Variants in FBXL14 observed in about 807,000 individuals in gnomAD.
The protein encoded by FBXL14 is F-box and leucine rich repeat protein 14.
FBXL14 carries 11 observed loss-of-function variants against 24.5 expected under a neutral mutation model. The observed-to-expected ratio is 0.45, with a 90% CI of 0.28 to 0.74. The LOEUF is 0.74. Ranked by LOEUF, FBXL14 falls within the 30% of genes least tolerant of loss-of-function variation. FBXL14 has a pLI of 0.12. For synonymous variants in FBXL14, 294 were observed against 240.4 expected (o/e 1.22, Z -2.06); for missense variants, 384 against 545.6 (o/e 0.70, Z 2.95).
intron 1 of FBXL14, among the ~76,000 whole-genome samples, chr12:1,578,259 A>T (rs745927316): frequency 6.6e-6 from 1 of 152,214 alleles, no homozygotes; most frequent in Non-Finnish European, 1.5e-5. Flanking sequence ...GCCCTGAAAG[A>T]CGTGAGATGC....
upstream of FBXL14, among the ~76,000 whole-genome samples, chr12:1,594,789 A>G (rs1230183017): frequency 6.7e-6 from 1 of 148,402 alleles, no homozygotes; most frequent in African/African-American, 2.5e-5. Flanking sequence ...TGCGTTTGGT[A>G]GCGCCCGGGC....
rs138376633 is a variant in FBXL14, at chr12:1,573,793, T to C, written c.1195-6983A>G. ...GCCAAGGCGGGCGGATCACCTGAGGTCAAGAGTTTGAGACCAGCCTGACCA... is the reference window on the plus strand; with the variant it reads ...GCCAAGGCGGGCGGATCACCTGAGGCCAAGAGTTTGAGACCAGCCTGACCA... On this transcript the variant is annotated intron_variant, in intron 1 of 1. Coordinates refer to ENST00000339235, the MANE Select transcript of FBXL14 (RefSeq NM_152441.3). Among the ~76,000 whole-genome samples the C allele has an allele frequency of 2.6e-4, 40 of 152,134 alleles. 1 individual carries two copies. The highest frequency in any genetic ancestry group is 6.8e-3 in the Middle Eastern group (2 of 294).
rs1186306281 is a variant in FBXL14, at chr12:1,569,435, C to CT, written c.1195-2626dup. 6.8e-6 allele frequency among the ~76,000 whole-genome samples: 1 copy of CT among 147,946 alleles called. No homozygotes were observed. The highest frequency in any genetic ancestry group is 1.5e-5 in the Non-Finnish European group (1 of 67,504). On this transcript the variant is annotated intron_variant, in intron 1 of 1. Coordinates refer to ENST00000339235, the MANE Select transcript of FBXL14 (RefSeq NM_152441.3). This position sits in a 1 kb window ranked among gnomAD's most constrained non-coding sequence, Gnocchi z 4.2. ...TTTTTGTCTGAGACGGAGTCTCGCT[C>CT]TGTCACCCAGGCTAGAGTGCAGTGC...
At chr12:1,590,557 T>C (rs1163231665) in intron 1 of FBXL14, among the ~76,000 whole-genome samples, 1 of 152,178 alleles carries the variant, frequency 6.6e-6, no homozygotes. Flanking sequence ...TCAGATTATT[T>C]TGTTACTGTC....
intron 1 of FBXL14, among the ~76,000 whole-genome samples, chr12:1,589,397 CAAA>C (rs869295084): frequency 6.4e-4 from 7 of 10,982 alleles, no homozygotes; most frequent in South Asian, 2.8e-3. Flanking sequence ...GACCTTGTCT[CAAA>C]AAAAAAAAAA....
chr12:1,585,257 G>A (rs2154438171), intron 1 of FBXL14, among the ~76,000 whole-genome samples: 1 of 152,322 alleles, frequency 6.6e-6, no homozygotes, highest in Admixed American at 6.5e-5. Context: ...AATTAGCCGG[G>A]CGTGGTGGCA....
chr12:1,574,358 AGAG>A (rs1428912439), intron 1 of FBXL14, among the ~76,000 whole-genome samples: 1 of 42,604 alleles, frequency 2.3e-5, no homozygotes, highest in East Asian at 1.0e-3. Flanking sequence ...GGCTGGGGTG[AGAG>A]GAGGCTGGTG....
intron 1 of FBXL14, among the ~76,000 whole-genome samples, chr12:1,573,874 G>C (rs552138535): frequency 3.3e-5 from 5 of 152,112 alleles, no homozygotes; most frequent in Non-Finnish European, 5.9e-5. Flanking sequence ...GCGTGGTGGC[G>C]CATGCCTGTA....
chr12:1,582,477 C>G (rs1375620273), intron 1 of FBXL14, among the ~76,000 whole-genome samples: 1 of 152,154 alleles, frequency 6.6e-6, no homozygotes, highest in Non-Finnish European at 1.5e-5. Flanking sequence ...TCCTTTACAA[C>G]CTGTATTCTC....
At chr12:1,577,631 C>T (rs923207269) in intron 1 of FBXL14, among the ~76,000 whole-genome samples, 5 of 152,166 alleles carry the variant, frequency 3.3e-5, no homozygotes, top group Non-Finnish European at 5.9e-5. Flanking sequence ...TCATGGCTGC[C>T]GGGAGATGCC....
At chr12:1,576,422 C>T (rs188499950) in intron 1 of FBXL14, among the ~76,000 whole-genome samples, 11 of 152,252 alleles carry the variant, frequency 7.2e-5, no homozygotes, top group East Asian at 1.9e-4. Context: ...GGAGAGACCA[C>T]GAGGGCAGTA....
At chr12:1,581,844 G>T (rs568675339) in intron 1 of FBXL14, among the ~76,000 whole-genome samples, 5 of 152,346 alleles carry the variant, frequency 3.3e-5, no homozygotes, top group East Asian at 1.9e-4. Flanking sequence ...GAAGCCCAGG[G>T]CCGGGCCTGG....
At chr12:1,584,918 T>C (rs1464692878) in intron 1 of FBXL14, among the ~76,000 whole-genome samples, 2 of 152,174 alleles carry the variant, frequency 1.3e-5, no homozygotes, top group African/African-American at 4.8e-5. Context: ...TCTGAGAACA[T>C]GAAGCATTTA....
At position 1,579,023 on chromosome 12, in the gene FBXL14, C is replaced by A. The variant is rs553802283; in HGVS notation, c.1195-12213G>T. 3.9e-5 allele frequency among the ~76,000 whole-genome samples: 6 copies of A among 152,048 alleles called. No individual in the cohort carries two copies. The highest frequency in any genetic ancestry group is 1.2e-4 in the African/African-American group (5 of 41,494). On this transcript the variant is annotated intron_variant, in intron 1 of 1. Coordinates refer to ENST00000339235, the MANE Select transcript of FBXL14 (RefSeq NM_152441.3). The surrounding 1 kb of genome is among the most constrained non-coding windows in gnomAD (Gnocchi z 4.3). ...GGGACAAGGAGCAGGTGTGCCTCAG[C>A]GAGCCTGTCATTATCTGGGGAGGGG...
intron 1 of FBXL14, among the ~76,000 whole-genome samples, chr12:1,572,295 T>C (rs1005991599): frequency 6.6e-6 from 1 of 152,254 alleles, no homozygotes; most frequent in Non-Finnish European, 1.5e-5. Context: ...CGATACGGTG[T>C]GTTTTGACAG....
At chr12:1,586,433 G>A (rs1326915325) in intron 1 of FBXL14, among the ~76,000 whole-genome samples, 4 of 152,178 alleles carry the variant, frequency 2.6e-5, no homozygotes, top group East Asian at 3.9e-4. Flanking sequence ...TCTTGAACTC[G>A]TGTGTTCAAG....
At position 1,593,166 on chromosome 12, in the gene FBXL14, C is replaced by T. The variant is rs1229733895; in HGVS notation, c.901G>A (p.Ala301Thr). ...KVGDQSLAYI[A>T]QGLDGLKSLS... ...GACTTGAGGCCATCCAGCCCCTGGG[C>T]TATGTAAGCCAGACTCTGGTCTCCC... Residue 301 changes from alanine to threonine, a missense_variant, in exon 1 of 2, where the codon GCC (alanine) becomes ACC (threonine). Physicochemically the swap from Ala to Thr is moderately conservative, Grantham distance 58 (BLOSUM62 0). Coordinates refer to ENST00000339235, the MANE Select transcript of FBXL14 (RefSeq NM_152441.3). This position sits in a 1 kb window ranked among gnomAD's most constrained non-coding sequence, Gnocchi z 7.4. 1 of 1,613,668 alleles carries T rather than the reference C, an allele frequency of 6.2e-7. No homozygotes were observed. Among genetic ancestry groups the T allele is most frequent in the Non-Finnish European group, 8.5e-7 (1 of 1,180,040 alleles).
At chr12:1,566,885 C>T (rs2094437252) in intron 1 of FBXL14, 75 bp from the exon 2 acceptor site, 1 of 753,804 alleles carries the variant, frequency 1.3e-6, no homozygotes, top group South Asian at 1.4e-5. Flanking sequence ...AGGTCGCCTC[C>T]CCTAACCCCA....
chr12:1,574,911 A>ATTTT (rs1565583477), intron 1 of FBXL14: 10 of 128,032 alleles, frequency 7.8e-5, no homozygotes, highest in African/African-American at 2.7e-4. Context: ...GCTTTTTTTA[A>ATTTT]AAAAAAAAAT....
Sources: gnomAD v4.1 joint callset for allele counts (sites outside exome capture counted in the v4.1 genomes callset) on GRCh38, gnomAD v4.1.1 for gene constraint, Gnocchi (gnomAD v3.1) non-coding constraint, MANE v1.5 for transcripts, NCBI Gene and HGNC (gene_info 2026-07-23, HGNC 2026-07-21) for gene names.